Variants in NEK11 observed in about 807,000 individuals in gnomAD.
NEK11 encodes NIMA related kinase 11, also known as serine/threonine-protein kinase Nek11.
Under a neutral mutation model 80.7 loss-of-function variants are expected in NEK11, and 72 were observed. That is an observed-to-expected ratio of 0.89 (90% CI 0.74 to 1.08). NEK11 has a LOEUF of 1.08. Among genes scored for constraint, NEK11 ranks in the 50% least tolerant of loss-of-function variants. NEK11 has a pLI of 0.00. For missense variants in NEK11, 764 were observed against 763.6 expected, an observed-to-expected ratio of 1.00 and a Z score of -0.01; for synonymous variants, 251 against 260.7, an observed-to-expected ratio of 0.96 and a Z score of 0.36.
intron 3 of NEK11, among the ~76,000 whole-genome samples, chr3:131,064,374 C>T (rs748846557): frequency 3.0e-4 from 46 of 152,224 alleles, no homozygotes; most frequent in Non-Finnish European, 5.6e-4. Context: ...TTGTAGATGG[C>T]CACCTCCTTG....
chr3:131,140,074 T>C (rs2086551873), intron 7 of NEK11, among the ~76,000 whole-genome samples: 1 of 152,234 alleles, frequency 6.6e-6, no homozygotes, highest in Non-Finnish European at 1.5e-5. Context: ...TTCTCACATG[T>C]TCTTTTTATA....
intron 3 of NEK11, 54 bp from the exon 4 acceptor site, chr3:131,080,369 T>C: frequency 7.5e-7 from 1 of 1,334,244 alleles, no homozygotes; most frequent in Non-Finnish European, 1.0e-6. Context: ...TTGATGATAT[T>C]TGTTAAATGT....
intron 3 of NEK11, among the ~76,000 whole-genome samples, chr3:131,052,769 T>G (rs535769974): frequency 6.6e-6 from 1 of 152,312 alleles, no homozygotes; most frequent in South Asian, 2.1e-4. Flanking sequence ...CCCAGTACCC[T>G]CTGACCTAAA....
intron 17 of NEK11, among the ~76,000 whole-genome samples, chr3:131,301,437 TC>T (rs1243796531): frequency 6.6e-6 from 1 of 152,126 alleles, no homozygotes; most frequent in Non-Finnish European, 1.5e-5. Context: ...AGAATGGGCA[TC>T]CTTGTCTTGT....
At chr3:131,057,337 G>A (rs189207674) in intron 3 of NEK11, among the ~76,000 whole-genome samples, 73 of 152,166 alleles carry the variant, frequency 4.8e-4, no homozygotes, top group African/African-American at 1.7e-3. Context: ...GAATAATGCC[G>A]CAGTAAACAT....
chr3:131,035,620 C>T (rs1485547359), intron 3 of NEK11, among the ~76,000 whole-genome samples: 1 of 152,182 alleles, frequency 6.6e-6, no homozygotes, highest in Non-Finnish European at 1.5e-5. Flanking sequence ...TTAACTAAAT[C>T]AAGACAAGAT....
intron 17 of NEK11, among the ~76,000 whole-genome samples, chr3:131,332,676 A>T (rs1414255401): frequency 1.3e-5 from 2 of 152,162 alleles, no homozygotes; most frequent in African/African-American, 4.8e-5. Flanking sequence ...TCCGAGCTAC[A>T]GGAGGAAATT....
intron 12 of NEK11, among the ~76,000 whole-genome samples, 185 bp from the exon 13 acceptor site, chr3:131,168,645 C>A (rs576871364): frequency 1.3e-5 from 2 of 152,136 alleles, no homozygotes; most frequent in Admixed American, 1.3e-4. Context: ...CGTGAGCCAC[C>A]GCGCCCGGCC....
At chr3:131,188,688 C>T (rs919440752) in intron 14 of NEK11, among the ~76,000 whole-genome samples, 27 of 152,134 alleles carry the variant, frequency 1.8e-4, no homozygotes, top group Admixed American at 8.5e-4. Flanking sequence ...TTTTATCTTT[C>T]ATCAACAGTC....
intron 17 of NEK11, among the ~76,000 whole-genome samples, chr3:131,284,838 C>T (rs752763033): frequency 3.9e-5 from 6 of 152,166 alleles, no homozygotes; most frequent in African/African-American, 1.4e-4. Flanking sequence ...AAGCCTTCGG[C>T]CACAGACTGA....
At chr3:131,154,278 CA>C (rs111639791) in intron 9 of NEK11, among the ~76,000 whole-genome samples, 33 of 148,010 alleles carry the variant, frequency 2.2e-4, no homozygotes, top group African/African-American at 4.7e-4. Flanking sequence ...TTTGAGCATT[CA>C]AAAAAAAAAT....
chr3:131,155,557 G>T (rs1303192250), intron 10 of NEK11, among the ~76,000 whole-genome samples: 1 of 152,156 alleles, frequency 6.6e-6, no homozygotes, highest in Non-Finnish European at 1.5e-5. Flanking sequence ...TCACTTTCTT[G>T]AAATATACAT....
chr3:131,145,771 G>T (rs942595137), intron 7 of NEK11, among the ~76,000 whole-genome samples: 1 of 152,084 alleles, frequency 6.6e-6, no homozygotes, highest in African/African-American at 2.4e-5. Context: ...GACCTACTCA[G>T]TATGGAACCT....
chr3:131,141,837 G>A (rs561071222), intron 7 of NEK11, among the ~76,000 whole-genome samples: 6 of 152,194 alleles, frequency 3.9e-5, no homozygotes, highest in South Asian at 4.1e-4. Flanking sequence ...ACTGAAGGGC[G>A]GGCAGGGGTC....
intron 17 of NEK11, chr3:131,329,905 C>T (rs909811336): frequency 6.6e-6 from 1 of 152,198 alleles, no homozygotes; most frequent in African/African-American, 2.4e-5. Context: ...ACTGGAAAGA[C>T]CTTTACTCTG....
chr3:131,155,291 C>T (rs572474709), intron 10 of NEK11, among the ~76,000 whole-genome samples, 170 bp downstream of exon 10: 8 of 152,204 alleles, frequency 5.3e-5, no homozygotes, highest in African/African-American at 1.7e-4. Flanking sequence ...AGCCCTTTAC[C>T]CCAGGTGGTA....
At chr3:131,251,795 A>G (rs1014921670) in intron 16 of NEK11, among the ~76,000 whole-genome samples, 10 of 152,038 alleles carry the variant, frequency 6.6e-5, no homozygotes, top group African/African-American at 2.4e-4. Context: ...CTCTTATGTT[A>G]CCAGAACAGT....
intron 12 of NEK11, among the ~76,000 whole-genome samples, chr3:131,168,618 A>G (rs1334678514): frequency 6.6e-6 from 1 of 151,838 alleles, no homozygotes; most frequent in Non-Finnish European, 1.5e-5. Flanking sequence ...GGCCTCCCAA[A>G]GTGCTGGGAT....
At chr3:131,233,831 C>T (rs1466095812) in intron 15 of NEK11, among the ~76,000 whole-genome samples, 1 of 152,206 alleles carries the variant, frequency 6.6e-6, no homozygotes, top group Non-Finnish European at 1.5e-5. Context: ...GAGGATATTT[C>T]AAGTGCTGAC....
Sources: allele counts gnomAD v4.1 joint callset (sites outside exome capture counted in the v4.1 genomes callset), GRCh38; gene constraint gnomAD v4.1.1; transcripts MANE v1.5; gene names NCBI Gene and HGNC (gene_info 2026-07-23, HGNC 2026-07-21).